Variants in ATIC observed in about 807,000 individuals in gnomAD.
The protein encoded by ATIC is 5-aminoimidazole-4-carboxamide ribonucleotide formyltransferase/IMP cyclohydrolase.
In ATIC, 64 loss-of-function variants were observed where a neutral mutation model predicts 72.5. The ratio of observed to expected loss-of-function variants is 0.88; its 90% confidence interval spans 0.72 to 1.09. The LOEUF (loss-of-function observed/expected upper bound fraction) is 1.09. Among genes scored for constraint, ATIC ranks in the 50% least tolerant of loss-of-function variants. ATIC has a pLI of 0.00. For synonymous variants in ATIC, 281 were observed against 267.1 expected (o/e 1.05, Z -0.51); for missense variants, 787 against 732.4 (o/e 1.07, Z -0.86).
At position 215,336,455 on chromosome 2, in the gene ATIC, A is replaced by G. The variant is rs760473134; in HGVS notation, c.1098+331A>G. Among the ~76,000 whole-genome samples the G allele has an allele frequency of 2.1e-3, 319 of 152,238 alleles. 5 individuals are homozygous for G. The highest frequency in any genetic ancestry group is 1.4e-3 in the Non-Finnish European group (93 of 68,042). On this transcript the variant is annotated intron_variant, in intron 11 of 15. Coordinates refer to ENST00000236959, the MANE Select transcript of ATIC (RefSeq NM_004044.7). ...TGCCTGTGAATAACGACTGCACTCC[A>G]GCCTTGGCAGTGTAGTAAGACCATG...
intron 8 of ATIC, among the ~76,000 whole-genome samples, chr2:215,332,936 A>G (rs951161843): frequency 1.3e-5 from 2 of 152,188 alleles, no homozygotes; most frequent in African/African-American, 4.8e-5. Flanking sequence ...TCTGTACACC[A>G]CATCTTGCTG....
chr2:215,319,488 A>G (rs2052744209), intron 3 of ATIC, among the ~76,000 whole-genome samples, 177 bp from the exon 4 acceptor site: 1 of 152,076 alleles, frequency 6.6e-6, no homozygotes, highest in Non-Finnish European at 1.5e-5. Flanking sequence ...GGCTATAGTG[A>G]GTTGTGATTA....
chr2:215,350,910 A>G (rs1484466334), downstream of ATIC, among the ~76,000 whole-genome samples: 2 of 152,158 alleles, frequency 1.3e-5, no homozygotes, highest in East Asian at 3.9e-4. Context: ...CTAAATAAAA[A>G]TTTCTGAAGT....
chr2:215,329,576 C>G (rs748963340), intron 7 of ATIC, among the ~76,000 whole-genome samples: 1 of 152,014 alleles, frequency 6.6e-6, no homozygotes, highest in Non-Finnish European at 1.5e-5. Context: ...GAAGCAAGAA[C>G]AAAGATGGGG....
the ATIC span, chr2:215,362,845 G>T: frequency 1.3e-5 from 2 of 152,484 alleles, no homozygotes; most frequent in Non-Finnish European, 2.9e-5. Flanking sequence ...CATCAGCAGA[G>T]ACCCCGCTGA....
downstream of ATIC, among the ~76,000 whole-genome samples, chr2:215,350,837 T>C (rs1463986546): frequency 6.6e-6 from 1 of 152,188 alleles, no homozygotes; most frequent in Non-Finnish European, 1.5e-5. Context: ...TAAAACCCTT[T>C]GCCATTGTTC....
chr2:215,336,001 T>A (rs1189053051), intron 10 of ATIC, 34 bp from the exon 11 acceptor site: 1 of 1,516,332 alleles, frequency 6.6e-7, no homozygotes, highest in Non-Finnish European at 9.1e-7. Flanking sequence ...CTCTGATTTT[T>A]AAAAATAGAA....
At chr2:215,333,738 T>G (rs1195624204) in intron 9 of ATIC, among the ~76,000 whole-genome samples, 1 of 152,140 alleles carries the variant, frequency 6.6e-6, no homozygotes, top group African/African-American at 2.4e-5. Flanking sequence ...CATTTCTTTA[T>G]AAAAGTGTAT....
chr2:215,325,225 C>A lies in ATIC; in HGVS notation c.291-16C>A. The A allele has an allele frequency of 2.5e-6, 4 of 1,601,618 alleles. No homozygotes were observed. The highest frequency in any genetic ancestry group is 2.2e-5 in the South Asian group (2 of 90,742). ...TGGACTTTTTAATGACAGCCAGATTCGTCTTTGTTTTATAGAGTTGTTGCC... is the reference window on the plus strand; with the variant it reads ...TGGACTTTTTAATGACAGCCAGATTAGTCTTTGTTTTATAGAGTTGTTGCC... On this transcript the variant is annotated splice_polypyrimidine_tract_variant and intron_variant, in intron 4 of 15. Transcript: ENST00000236959.
At chr2:215,356,134 C>T in the ATIC span, among the ~76,000 whole-genome samples, 1 of 152,200 alleles carries the variant, frequency 6.6e-6, no homozygotes, top group Non-Finnish European at 1.5e-5. Flanking sequence ...TAGAGTTGCT[C>T]TGAAGAGCAA....
At chr2:215,345,177 C>T (rs1186658967) in intron 13 of ATIC, 1 of 405,882 alleles carries the variant, frequency 2.5e-6, no homozygotes, top group Non-Finnish European at 4.7e-6. Flanking sequence ...TCCTTTTCCC[C>T]CATTGGTATT....
At chr2:215,317,159 T>A (rs959192062) in intron 2 of ATIC, among the ~76,000 whole-genome samples, 2 of 152,202 alleles carry the variant, frequency 1.3e-5, no homozygotes, top group African/African-American at 4.8e-5. Context: ...TTTCTAGGGG[T>A]CTGCTTTGTG....
At chr2:215,354,603 C>G (rs1323578536), downstream of ATIC, among the ~76,000 whole-genome samples, 1 of 151,928 alleles carries the variant, frequency 6.6e-6, no homozygotes, top group African/African-American at 2.4e-5. Flanking sequence ...GTCTGGTCTT[C>G]TAATTTTCTC....
At chr2:215,321,616 C>T (rs1436496632) in intron 4 of ATIC, among the ~76,000 whole-genome samples, 4 of 152,260 alleles carry the variant, frequency 2.6e-5, no homozygotes, top group Admixed American at 2.6e-4. Context: ...GATGGGGCTC[C>T]AGTTTCTCCA....
the ATIC span, chr2:215,367,736 G>A: frequency 3.3e-6 from 3 of 907,334 alleles, no homozygotes; most frequent in South Asian, 4.2e-5. Flanking sequence ...GAGTCAAACA[G>A]TATTCTCTTG....
At chr2:215,320,852 G>T (rs1030278943) in intron 4 of ATIC, among the ~76,000 whole-genome samples, 8 of 152,160 alleles carry the variant, frequency 5.3e-5, no homozygotes, top group Non-Finnish European at 1.0e-4. Context: ...AAAGTGCTGG[G>T]ATTAGGTGTG....
At chr2:215,327,388 T>C (rs922459773) in intron 7 of ATIC, among the ~76,000 whole-genome samples, 2 of 152,170 alleles carry the variant, frequency 1.3e-5, no homozygotes, top group African/African-American at 2.4e-5. Flanking sequence ...AGGGACTGTT[T>C]GTTTTGCACA....
intron 11 of ATIC, among the ~76,000 whole-genome samples, chr2:215,337,646 C>T (rs1230679734): frequency 6.6e-6 from 1 of 152,186 alleles, no homozygotes. Flanking sequence ...GGATTACAGG[C>T]GTGAGCCACC....
the ATIC span, among the ~76,000 whole-genome samples, chr2:215,366,389 C>T: frequency 2.0e-5 from 3 of 151,988 alleles, no homozygotes; most frequent in Non-Finnish European, 4.4e-5. Flanking sequence ...AACCATAAAA[C>T]AAGGATCAGC....
Sources: gnomAD v4.1 joint callset for allele counts (sites outside exome capture counted in the v4.1 genomes callset) on GRCh38, gnomAD v4.1.1 for gene constraint, MANE v1.5 for transcripts, NCBI Gene and HGNC (gene_info 2026-07-23, HGNC 2026-07-21) for gene names.